DIS3L2: variants seen among roughly 807,000 people sequenced by gnomAD.
DIS3L2 encodes DIS3-like exonuclease 2.
Under a neutral mutation model 97.5 loss-of-function variants are expected in DIS3L2, and 34 were observed. That is an observed-to-expected ratio of 0.35 (90% CI 0.27 to 0.46). The LOEUF (loss-of-function observed/expected upper bound fraction) is 0.46. Ranked by LOEUF, DIS3L2 falls within the 20% of genes least tolerant of loss-of-function variation. The probability of loss-of-function intolerance (pLI) is 1.00; values close to 1 mark genes in which losing one functional copy is unlikely to be tolerated. For missense variants in DIS3L2, 1,038 were observed against 1,146.0 expected (o/e 0.91, Z 1.36); for synonymous variants, 435 against 445.2 (o/e 0.98, Z 0.29).
chr2:232,210,091 G>T (rs1692144972), intron 9 of DIS3L2, among the ~76,000 whole-genome samples: 1 of 152,160 alleles, frequency 6.6e-6, no homozygotes, highest in Admixed American at 6.5e-5. Flanking sequence ...ATCTCTTCTG[G>T]CTTGGGGTGA....
At chr2:232,040,843 G>C (rs969616314) in intron 5 of DIS3L2, among the ~76,000 whole-genome samples, 5 of 152,072 alleles carry the variant, frequency 3.3e-5, no homozygotes, top group Admixed American at 2.6e-4. Flanking sequence ...TACATCTCCT[G>C]GCTTCATGAT....
intron 12 of DIS3L2, among the ~76,000 whole-genome samples, chr2:232,251,317 A>G (rs575340100): frequency 1.1e-4 from 17 of 152,352 alleles, no homozygotes; most frequent in African/African-American, 4.1e-4. Flanking sequence ...CAAAATCTTG[A>G]TACTTTAAAA....
Position 232,184,696 on chromosome 2 carries a change from T to C in DIS3L2, c.1124+21064T>C, listed in dbSNP as rs547569457. Reference sequence around the variant, plus strand: ...AGAAGCATATAGTAGTCAGTAATTGTGTGGGCAAATTATTCCTAAGATTAG... The same window carrying C: ...AGAAGCATATAGTAGTCAGTAATTGCGTGGGCAAATTATTCCTAAGATTAG... On this transcript the variant is annotated intron_variant, in intron 9 of 20. Transcript: ENST00000325385. 2.1e-3 allele frequency among the ~76,000 whole-genome samples: 321 copies of C among 152,252 alleles called. 2 individuals carry two copies. The highest frequency in any genetic ancestry group is 7.3e-3 in the African/African-American group (304 of 41,570).
At chr2:232,235,191 C>G (rs1692899642) in intron 10 of DIS3L2, among the ~76,000 whole-genome samples, 1 of 152,228 alleles carries the variant, frequency 6.6e-6, no homozygotes, top group African/African-American at 2.4e-5. Flanking sequence ...TTTAAACACA[C>G]AGGCTCACCT....
At chr2:232,343,395 C>T in exon 14 of DIS3L2, 1 of 1,556,676 alleles carries the variant, frequency 6.4e-7, no homozygotes, top group Non-Finnish European at 8.7e-7. Flanking sequence ...CTCACAGCCC[C>T]TCTGCTGAAG....
At chr2:232,072,013 T>G (rs1696034714) in intron 5 of DIS3L2, among the ~76,000 whole-genome samples, 1 of 152,174 alleles carries the variant, frequency 6.6e-6, no homozygotes, top group Non-Finnish European at 1.5e-5. Context: ...GACTGGTATG[T>G]TAAGCAGTGG....
intron 10 of DIS3L2, among the ~76,000 whole-genome samples, chr2:232,212,543 A>G (rs1438141850): frequency 6.6e-6 from 1 of 152,180 alleles, no homozygotes; most frequent in Admixed American, 6.5e-5. Flanking sequence ...AGGTTTCATA[A>G]AGGAAGTGGT....
chr2:232,340,738 A>C (rs1337761784), downstream of DIS3L2: 1 of 470,810 alleles, frequency 2.1e-6, no homozygotes, highest in East Asian at 6.9e-5. Context: ...CAAAGAACCC[A>C]ACCTCAGAGA....
chr2:232,148,386 C>T (rs905263587), intron 8 of DIS3L2, among the ~76,000 whole-genome samples: 9 of 152,138 alleles, frequency 5.9e-5, no homozygotes, highest in Non-Finnish European at 8.8e-5. Context: ...GCCCCCAAAG[C>T]ATGAGCTCTT....
Position 232,224,768 on chromosome 2 carries a change from G to A in DIS3L2, c.1205-13765G>A, listed in dbSNP as rs377082364. 5.3e-5 allele frequency among the ~76,000 whole-genome samples: 8 copies of A among 151,900 alleles called. No homozygotes were observed. The East Asian group carries it at 1.4e-3, about 26-fold the overall frequency. On this transcript the variant is annotated intron_variant, in intron 10 of 20. Transcript: ENST00000325385. ...GCATGAGAATCATTTGACCTGGGAG[G>A]TGGAGGTTGCAGTGCGTTGAGATTG...
intron 5 of DIS3L2, among the ~76,000 whole-genome samples, chr2:232,056,196 C>T (rs569656201): frequency 6.6e-6 from 1 of 152,148 alleles, no homozygotes; most frequent in East Asian, 1.9e-4. Flanking sequence ...CATGGTGAAA[C>T]CCCGTTTCTA....
chr2:231,972,098 T>C (rs1410056944), intron 1 of DIS3L2, among the ~76,000 whole-genome samples: 4 of 151,680 alleles, frequency 2.6e-5, no homozygotes, highest in Admixed American at 2.6e-4. Flanking sequence ...GGCAGGAGAA[T>C]TGCTTGAACC....
At chr2:232,255,019 C>T (rs532780353) in intron 12 of DIS3L2, among the ~76,000 whole-genome samples, 1 of 152,254 alleles carries the variant, frequency 6.6e-6, no homozygotes, top group South Asian at 2.1e-4. Context: ...TATCTCTTAC[C>T]CACAATCAAG....
intron 6 of DIS3L2, among the ~76,000 whole-genome samples, chr2:232,114,251 CCTGA>C (rs1697632227): frequency 7.3e-6 from 1 of 137,796 alleles, no homozygotes; most frequent in Non-Finnish European, 1.5e-5. Context: ...TGCTGGAAGA[CCTGA>C]CTAAGAGCAA....
chr2:232,161,524 G>A (rs72990477), intron 8 of DIS3L2, among the ~76,000 whole-genome samples: 1,814 of 152,210 alleles, frequency 0.012, 17 homozygotes, highest in Non-Finnish European at 0.018. Flanking sequence ...AGCCTGCAGT[G>A]CAGTAATGCC....
At chr2:232,146,638 A>G (rs946861416) in intron 8 of DIS3L2, among the ~76,000 whole-genome samples, 2 of 152,138 alleles carry the variant, frequency 1.3e-5, no homozygotes, top group African/African-American at 2.4e-5. Context: ...TCTGCCAACA[A>G]TGCTATTGAC....
chr2:232,040,438 G>GCTCAGTAAACTCTTGTTTGCCA (rs1436132915), intron 5 of DIS3L2, among the ~76,000 whole-genome samples: 2 of 152,280 alleles, frequency 1.3e-5, no homozygotes, highest in East Asian at 3.9e-4. Context: ...ATTGCTGCCA[G>GCTCAGTAAACTCTTGTTTGCCA]CTCAGTAAAC....
At chr2:232,115,817 C>T (rs1163189562) in intron 6 of DIS3L2, among the ~76,000 whole-genome samples, 1 of 152,162 alleles carries the variant, frequency 6.6e-6, no homozygotes, top group Non-Finnish European at 1.5e-5. Flanking sequence ...AATTAAACCT[C>T]TTTCCTTTAT....
intron 14 of DIS3L2, 51 bp from the exon 15 acceptor site, chr2:232,329,762 C>T: frequency 7.0e-7 from 1 of 1,429,540 alleles, no homozygotes. Context: ...AAAGCCTGCG[C>T]ACCTGTCCCC....
Sources: gnomAD v4.1 joint callset for allele counts (sites outside exome capture counted in the v4.1 genomes callset) on GRCh38, gnomAD v4.1.1 for gene constraint, MANE v1.5 for transcripts, NCBI Gene and HGNC (gene_info 2026-07-23, HGNC 2026-07-21) for gene names.